Variants in DNM3 observed in about 807,000 individuals in gnomAD.
DNM3 encodes the protein dynamin-3.
Under a neutral mutation model 101.6 loss-of-function variants are expected in DNM3, and 47 were observed. The observed-to-expected ratio is 0.46, with a 90% CI of 0.37 to 0.59. The LOEUF (loss-of-function observed/expected upper bound fraction) is 0.59. DNM3 is among the 20% of genes least tolerant of loss of function. DNM3 has a pLI of 0.00. For synonymous variants in DNM3, 385 were observed against 387.9 expected (o/e 0.99, Z 0.09); for missense variants, 849 against 1,085.7 (o/e 0.78, Z 3.06).
intron 4 of DNM3, among the ~76,000 whole-genome samples, chr1:172,008,990 A>G (rs2046911028): frequency 1.8e-5 from 2 of 114,044 alleles, no homozygotes; most frequent in Middle Eastern, 3.9e-3. Flanking sequence ...ACATATGCAT[A>G]TACTTATTTA....
At chr1:172,087,907 ACTC>A (rs1183095739) in intron 12 of DNM3, among the ~76,000 whole-genome samples, 2 of 151,796 alleles carry the variant, frequency 1.3e-5, no homozygotes, top group Non-Finnish European at 1.5e-5. Flanking sequence ...TTTCTACTCT[ACTC>A]CCTAAGTCCA....
intron 14 of DNM3, among the ~76,000 whole-genome samples, chr1:172,181,034 A>G (rs1467042208): frequency 1.3e-5 from 2 of 152,108 alleles, no homozygotes; most frequent in Non-Finnish European, 2.9e-5. Flanking sequence ...TCTGGGGAAC[A>G]CAGCTCTTCC....
intron 14 of DNM3, among the ~76,000 whole-genome samples, chr1:172,201,744 C>T (rs2060160822): frequency 6.6e-6 from 1 of 152,218 alleles, no homozygotes; most frequent in Non-Finnish European, 1.5e-5. Context: ...CCCCTGGGGG[C>T]CTGGTCCAAG....
chr1:171,860,991 G>A (rs536011864), intron 1 of DNM3, among the ~76,000 whole-genome samples: 3 of 152,092 alleles, frequency 2.0e-5, no homozygotes, highest in Non-Finnish European at 4.4e-5. Context: ...GGGCACAGAG[G>A]AGAGTTTAAC....
At chr1:172,286,884 A>G (rs2063722525) in intron 15 of DNM3, among the ~76,000 whole-genome samples, 1 of 152,246 alleles carries the variant, frequency 6.6e-6, no homozygotes, top group African/African-American at 2.4e-5. Flanking sequence ...ATAGATCCAG[A>G]TCTGTGGCCA....
At chr1:172,318,903 G>C (rs1426716861) in intron 16 of DNM3, among the ~76,000 whole-genome samples, 1 of 152,054 alleles carries the variant, frequency 6.6e-6, no homozygotes, top group African/African-American at 2.4e-5. Flanking sequence ...AGTTCATGTG[G>C]AACCAAAAAA....
intron 1 of DNM3, among the ~76,000 whole-genome samples, chr1:171,915,462 AAGAT>A (rs931114673): frequency 2.0e-4 from 31 of 152,320 alleles, no homozygotes; most frequent in African/African-American, 6.7e-4. Context: ...AAGAGATATT[AAGAT>A]AGAATCAACA....
chr1:172,233,402 C>T (rs1335700023), intron 14 of DNM3, among the ~76,000 whole-genome samples: 1 of 152,120 alleles, frequency 6.6e-6, no homozygotes, highest in Non-Finnish European at 1.5e-5. Flanking sequence ...TAATCAATAG[C>T]TTACCAACCA....
chr1:172,182,210 G>A (rs1317676688), intron 14 of DNM3, among the ~76,000 whole-genome samples: 1 of 151,060 alleles, frequency 6.6e-6, no homozygotes, highest in Non-Finnish European at 1.5e-5. Context: ...GTCTGTCCAA[G>A]ATCAGTTAGG....
chr1:172,110,586 C>T (rs946979643), intron 13 of DNM3, among the ~76,000 whole-genome samples: 5 of 152,208 alleles, frequency 3.3e-5, no homozygotes, highest in Admixed American at 1.3e-4. Flanking sequence ...GTGACATTAA[C>T]ATCCAAAAGG....
intron 20 of DNM3, chr1:172,394,137 T>G (rs183939602): frequency 5.5e-4 from 84 of 152,366 alleles, no homozygotes; most frequent in Admixed American, 1.0e-3. Context: ...AGTTTTTAAT[T>G]CTTCAAGTCT....
chr1:171,979,321 G>T (rs2044609967), intron 2 of DNM3, among the ~76,000 whole-genome samples: 1 of 152,060 alleles, frequency 6.6e-6, no homozygotes, highest in South Asian at 2.1e-4. Flanking sequence ...AAAAAATTTT[G>T]TGGGTACATA....
In DNM3 at chr1:172,323,336, A is replaced by G. The variant is rs1052712177; in HGVS notation, c.1889A>G (p.Asn630Ser). The change falls in exon 17 of 21, where the codon AAC becomes AGC. Residue 630 changes from asparagine (N) to serine (S), a missense_variant. This residue lies in a region of DNM3 where 256 missense variants were observed against 311.7 expected (regional missense o/e 0.82). Transcript: ENST00000627582. ...GVYPDKSVGN[N>S]KAENDENGQA... is the part of the protein sequence containing the mutation. ...TTGCGGCTACATGCATAGGGGAACA[A>G]CAAAGTAAGTTATTTGTCCTCTTGC... 5.0e-6 allele frequency: 8 copies of G among 1,606,320 alleles called. No individual in the cohort carries two copies. The African/African-American group carries it at 9.4e-5, about 19-fold the overall frequency.
At chr1:172,117,440 T>A (rs1170933964) in intron 13 of DNM3, among the ~76,000 whole-genome samples, 6 of 152,136 alleles carry the variant, frequency 3.9e-5, no homozygotes, top group Non-Finnish European at 5.9e-5. Context: ...GTCTTTCCCG[T>A]CCTATTCTCA....
chr1:172,148,741 C>G (rs879164646), intron 14 of DNM3, among the ~76,000 whole-genome samples: 4 of 151,964 alleles, frequency 2.6e-5, no homozygotes, highest in Admixed American at 2.6e-4. Context: ...AGAAGATAGC[C>G]CCACTTAGTT....
intron 1 of DNM3, among the ~76,000 whole-genome samples, chr1:171,908,274 A>T (rs760201149): frequency 6.6e-6 from 1 of 152,098 alleles, no homozygotes; most frequent in Non-Finnish European, 1.5e-5. Context: ...GAAAACATAC[A>T]CTGCAGAGGG....
chr1:172,091,774 C>T (rs2053927108), intron 12 of DNM3, among the ~76,000 whole-genome samples: 1 of 152,136 alleles, frequency 6.6e-6, no homozygotes, highest in South Asian at 2.1e-4. Flanking sequence ...CATAGTCCTT[C>T]TGAAAGTATC....
At chr1:171,944,497 T>A (rs146709119) in intron 2 of DNM3, among the ~76,000 whole-genome samples, 1 of 151,854 alleles carries the variant, frequency 6.6e-6, no homozygotes, top group Non-Finnish European at 1.5e-5. Flanking sequence ...CACTACCCGC[T>A]GCAGTGGCTG....
At chr1:172,001,146 G>A (rs1304650747) in intron 4 of DNM3, among the ~76,000 whole-genome samples, 1 of 152,090 alleles carries the variant, frequency 6.6e-6, no homozygotes, top group Non-Finnish European at 1.5e-5. Context: ...AGGAAAGGAA[G>A]AGGACATGGA....
Sources: allele counts gnomAD v4.1 joint callset (sites outside exome capture counted in the v4.1 genomes callset), GRCh38; gene constraint gnomAD v4.1.1; regional missense constraint gnomAD v4.1.1; transcripts MANE v1.5; gene names NCBI Gene and HGNC (gene_info 2026-07-23, HGNC 2026-07-21).